Variants in B3GNT6 observed in about 807,000 individuals in gnomAD.
B3GNT6 encodes the protein UDP-GlcNAc:betaGal beta-1,3-N-acetylglucosaminyltransferase 6, also known as acetylgalactosaminyl-O-glycosyl-glycoprotein beta-1,3-N-acetylglucosaminyltransferase.
For missense variants in B3GNT6, 624 were observed against 568.6 expected, an observed-to-expected ratio of 1.10 and a Z score of -0.99; for synonymous variants, 300 against 270.0, an observed-to-expected ratio of 1.11 and a Z score of -1.09.
Position 77,040,628 on chromosome 11 carries a change from G to T in B3GNT6, c.1077G>T (p.Ala359=), listed in dbSNP as rs1555027864. The change falls in exon 2 of 2, where the codon GCG becomes GCT. Residue 359 remains alanine (A), a synonymous_variant. Coordinates refer to ENST00000622824, the MANE Select transcript of B3GNT6 (RefSeq NM_138706.5). ...YRELLLVHRF[A]PYEMLLMWKA... ...AGTTGCTGCTAGTGCACCGCTTCGC[G>T]CCCTACGAGATGCTGCTCATGTGGA... 1.3e-6 allele frequency: 2 copies of T among 1,599,988 alleles called. No homozygotes were observed. The highest frequency in any genetic ancestry group is 8.5e-7 in the Non-Finnish European group (1 of 1,178,936).
In B3GNT6 at chr11:77,040,364, C is replaced by T. The variant is rs1336589352; in HGVS notation, c.813C>T (p.Phe271=). The T allele has an allele frequency of 1.4e-5, 21 of 1,538,482 alleles. No individual in the cohort carries two copies. In the African/African-American group the frequency reaches 2.5e-4, roughly 18 times the overall value. ...WSKYFVPPQL[F]PGSAYPVYCS... ...AGTACTTCGTGCCGCCGCAGCTCTT[C>T]CCCGGGTCCGCTTACCCGGTGTACT... is the stretch of plus-strand genomic sequence containing the variant. Residue 271 remains phenylalanine (F), a synonymous_variant, in exon 2 of 2, where the codon TTC becomes TTT. Coordinates refer to ENST00000622824, the MANE Select transcript of B3GNT6 (RefSeq NM_138706.5).
intron 1 of B3GNT6, among the ~76,000 whole-genome samples, chr11:77,039,197 C>CT (rs1428527159): frequency 2.0e-5 from 3 of 152,096 alleles, no homozygotes; most frequent in Non-Finnish European, 4.4e-5. Context: ...AGGAAGAAGG[C>CT]TGGGGCTTCT....
chr11:77,040,250 C>G lies in B3GNT6; in HGVS notation c.699C>G (p.Val233=). Residue 233 remains valine (V), a synonymous_variant, in exon 2 of 2, where the codon GTC becomes GTG. Transcript: ENST00000622824. ...DDVFVHTANV[V]RFLQAQPPGR... is the part of the protein sequence containing the mutation. ...TGTTCGTGCACACCGCCAACGTAGT[C>G]CGCTTCCTGCAGGCGCAGCCACCCG... The G allele has an allele frequency of 6.3e-7, 1 of 1,598,518 alleles. No individual in the cohort carries two copies. The highest frequency in any genetic ancestry group is 8.5e-7 in the Non-Finnish European group (1 of 1,179,332).
rs1461553913 is a variant in B3GNT6 at position 77,039,830 on chromosome 11, G to A, written c.279G>A (p.Leu93=). Residue 93 remains leucine, a synonymous_variant, in exon 2 of 2, where the codon CTG becomes CTA. Coordinates refer to ENST00000622824, the MANE Select transcript of B3GNT6 (RefSeq NM_138706.5). ...EQLPARIQDF[L]RYRHCRHFPL... is the part of the protein sequence containing the mutation. ...TGCCCGCGCGCATCCAGGACTTCCTGCGGTACCGCCACTGCCGCCACTTCC... is the reference window on the plus strand; with the variant it reads ...TGCCCGCGCGCATCCAGGACTTCCTACGGTACCGCCACTGCCGCCACTTCC... The A allele has an allele frequency of 1.6e-5, 25 of 1,574,486 alleles. No individual in the cohort carries two copies. The highest frequency in any genetic ancestry group is 1.8e-5 in the Non-Finnish European group (21 of 1,166,642).
At position 77,039,722 on chromosome 11, in the gene B3GNT6, T is replaced by A; in HGVS notation, c.171T>A (p.Ala57=). Residue 57 remains alanine (A), a synonymous_variant, in exon 2 of 2, where the codon GCT becomes GCA. Coordinates refer to ENST00000622824, the MANE Select transcript of B3GNT6 (RefSeq NM_138706.5). ...AGGGTCCCACCGACGCTCCCGCGGC[T>A]GACGAGCCGCCCTCGGAGCTCGTCC... The part of the protein sequence containing the change: ...TPEGPTDAPA[A]DEPPSELVPG... 1 of 1,605,854 alleles carries A rather than the reference T, an allele frequency of 6.2e-7. No homozygotes were observed.
chr11:77,040,123 C>A lies in B3GNT6; in HGVS notation c.572C>A (p.Ala191Glu). 6.3e-7 allele frequency: 1 copy of A among 1,598,322 alleles called. No homozygotes were observed. Among genetic ancestry groups the A allele is most frequent in the South Asian group, 1.1e-5 (1 of 91,024 alleles). Residue 191 changes from alanine to glutamate, a missense_variant, in exon 2 of 2, where the codon GCG becomes GAG. Coordinates refer to ENST00000622824, the MANE Select transcript of B3GNT6 (RefSeq NM_138706.5). ...GGCGACGTGCTGCAGTGGGCCTTCG[C>A]GGACACCTTCCTCAACCTCACGCTC... Reference protein sequence around the residue: ...EHGDVLQWAFADTFLNLTLKH... With the variant: ...EHGDVLQWAFEDTFLNLTLKH...
chr11:77,037,835 C>A (rs1230923171), intron 1 of B3GNT6, among the ~76,000 whole-genome samples: 3 of 145,300 alleles, frequency 2.1e-5, no homozygotes, highest in Non-Finnish European at 4.5e-5. Context: ...ATCACCTGAG[C>A]CTGGGAAGTG....
rs782227194 is a variant in B3GNT6 at position 77,040,656 on chromosome 11, G to A, written c.1105G>A (p.Ala369Thr). 1 of 1,600,712 alleles carries A rather than the reference G, an allele frequency of 6.2e-7. No individual in the cohort carries two copies. The highest frequency in any genetic ancestry group is 1.3e-5 in the African/African-American group (1 of 74,876). The change falls in exon 2 of 2, where the codon GCG (alanine) becomes ACG (threonine). Residue 369 changes from alanine (A) to threonine (T), a missense_variant. Coordinates refer to ENST00000622824, the MANE Select transcript of B3GNT6 (RefSeq NM_138706.5). ...APYEMLLMWK[A>T]LHSPALSCDR... is the part of the protein sequence containing the mutation. ...CTACGAGATGCTGCTCATGTGGAAG[G>A]CGCTGCACAGCCCCGCGCTCAGCTG...
At position 77,039,926 on chromosome 11, in the gene B3GNT6, G is replaced by T; in HGVS notation, c.375G>T (p.Ser125=). The change falls in exon 2 of 2, where the codon TCG becomes TCT. Residue 125 remains serine, a synonymous_variant. Transcript: ENST00000622824. ...TGTTCCTGCTCCTGGCGGTGAAGTC[G>T]GCGCCTGAGCACTACGAGCGACGCG... ...RGVFLLLAVK[S]APEHYERREL... is the part of the protein sequence containing the mutation. 1.3e-6 allele frequency: 2 copies of T among 1,592,838 alleles called. No homozygotes were observed. Among genetic ancestry groups the T allele is most frequent in the Non-Finnish European group, 1.7e-6 (2 of 1,177,000 alleles).
Position 77,040,616 on chromosome 11 carries a change from G to A in B3GNT6, c.1065G>A (p.Val355=), listed in dbSNP as rs144466809. The change falls in exon 2 of 2, where the codon GTG becomes GTA. Residue 355 remains valine (V), a synonymous_variant. Coordinates refer to ENST00000622824, the MANE Select transcript of B3GNT6 (RefSeq NM_138706.5). ...GCATGTACCGCGAGTTGCTGCTAGT[G>A]CACCGCTTCGCGCCCTACGAGATGC... ...DPCMYRELLL[V]HRFAPYEMLL... The A allele has an allele frequency of 1.5e-4, 232 of 1,598,248 alleles. 1 individual carries two copies. In the South Asian group the frequency reaches 2.1e-3, roughly 15 times the overall value.
Position 77,039,626 on chromosome 11 carries a change from A to G in B3GNT6, c.75A>G (p.Ala25=). Residue 25 remains alanine, a synonymous_variant, in exon 2 of 2, where the codon GCA becomes GCG. Coordinates refer to ENST00000622824, the MANE Select transcript of B3GNT6 (RefSeq NM_138706.5). Reference sequence around the variant, plus strand: ...TCCTGGTGGGCGTGAGTTTCTTAGCACTGCAGCAGTGGTTCCTCCAGGCGC... The same window carrying G: ...TCCTGGTGGGCGTGAGTTTCTTAGCGCTGCAGCAGTGGTTCCTCCAGGCGC... ...ACLLVGVSFL[A]LQQWFLQAPR... The G allele has an allele frequency of 6.2e-7, 1 of 1,612,340 alleles. No individual in the cohort carries two copies. Among genetic ancestry groups the G allele is most frequent in the South Asian group, 1.1e-5 (1 of 90,834 alleles).
chr11:77,039,804 C>T lies in B3GNT6; in HGVS notation c.253C>T (p.Leu85=), dbSNP rs782782141. Residue 85 remains leucine, a synonymous_variant, in exon 2 of 2, where the codon CTG becomes TTG. Coordinates refer to ENST00000622824, the MANE Select transcript of B3GNT6 (RefSeq NM_138706.5). ...SANATADFEQ[L]PARIQDFLRY... The stretch of plus-strand genomic sequence containing the variant: ...GAACGCCACGGCCGACTTCGAGCAG[C>T]TGCCCGCGCGCATCCAGGACTTCCT... 2 of 1,576,668 alleles carry T rather than the reference C, an allele frequency of 1.3e-6. No homozygotes were observed. Among genetic ancestry groups the T allele is most frequent in the Admixed American group, 3.6e-5 (2 of 56,158 alleles).
intron 1 of B3GNT6, among the ~76,000 whole-genome samples, chr11:77,036,462 T>C (rs1307258588): frequency 2.0e-5 from 3 of 152,164 alleles, no homozygotes; most frequent in African/African-American, 7.2e-5. Flanking sequence ...ACACAAGCAA[T>C]AGGGTTCGGT....
Position 77,040,615 on chromosome 11 carries a change from T to C in B3GNT6, c.1064T>C (p.Val355Ala), listed in dbSNP as rs782135224. 5.6e-6 allele frequency: 9 copies of C among 1,598,500 alleles called. No homozygotes were observed. The highest frequency in any genetic ancestry group is 3.4e-5 in the Admixed American group (2 of 59,660). ...TGCATGTACCGCGAGTTGCTGCTAGTGCACCGCTTCGCGCCCTACGAGATG... is the reference window on the plus strand; with the variant it reads ...TGCATGTACCGCGAGTTGCTGCTAGCGCACCGCTTCGCGCCCTACGAGATG... ...DPCMYRELLL[V>A]HRFAPYEMLL... The change falls in exon 2 of 2, where the codon GTG becomes GCG. Residue 355 changes from valine (V) to alanine (A), a missense_variant. Val to Ala is a moderately conservative substitution (Grantham distance 64, BLOSUM62 0). Transcript: ENST00000622824.
In B3GNT6 at chr11:77,040,803, T is replaced by C; in HGVS notation, c.*97T>C. On this transcript the variant is annotated 3_prime_UTR_variant, in exon 2 of 2. Coordinates refer to ENST00000622824, the MANE Select transcript of B3GNT6 (RefSeq NM_138706.5). ...GTACCTTACGTCCTGCCCAGCTCTGTGCACCTGAACCCCAGCTGCGCACTG... is the reference window on the plus strand; with the variant it reads ...GTACCTTACGTCCTGCCCAGCTCTGCGCACCTGAACCCCAGCTGCGCACTG... The C allele has an allele frequency of 7.0e-7, 1 of 1,419,710 alleles. No homozygotes were observed. The highest frequency in any genetic ancestry group is 9.2e-7 in the Non-Finnish European group (1 of 1,091,126). The allele number at this position is 1,419,710 out of a possible 1,614,324, so 87.9% of individuals were successfully genotyped here.
intron 1 of B3GNT6, among the ~76,000 whole-genome samples, chr11:77,038,090 A>AGGGGGG (rs1565240581): frequency 6.1e-5 from 1 of 16,268 alleles, no homozygotes; most frequent in Non-Finnish European, 1.1e-4. Flanking sequence ...GATGAGGGGG[A>AGGGGGG]GGAGGAGGGG....
chr11:77,040,357 A>G lies in B3GNT6; in HGVS notation c.806A>G (p.Gln269Arg), dbSNP rs781988853. 17 of 1,540,596 alleles carry G rather than the reference A, an allele frequency of 1.1e-5. No homozygotes were observed. The highest frequency in any genetic ancestry group is 7.8e-5 in the Admixed American group (4 of 51,324). ...TGGAGCAAGTACTTCGTGCCGCCGC[A>G]GCTCTTCCCCGGGTCCGCTTACCCG... The part of the protein sequence containing the change: ...DSWSKYFVPP[Q>R]LFPGSAYPVY... Residue 269 changes from glutamine (Q) to arginine (R), a missense_variant, in exon 2 of 2, where the codon CAG (glutamine) becomes CGG (arginine). Transcript: ENST00000622824.
intron 1 of B3GNT6, among the ~76,000 whole-genome samples, 184 bp from the exon 2 acceptor site, chr11:77,039,368 C>A (rs868963867): frequency 6.6e-5 from 10 of 152,104 alleles, no homozygotes; most frequent in African/African-American, 2.2e-4. Flanking sequence ...GAGGAACGGT[C>A]CGGAGTGTGG....
chr11:77,038,003 AGGAGG>A (rs1949647920), intron 1 of B3GNT6, among the ~76,000 whole-genome samples: 1 of 6,040 alleles, frequency 1.7e-4, no homozygotes. Flanking sequence ...GAGGAGGGGG[AGGAGG>A]GGGATATGGG....
Sources: gnomAD v4.1 joint callset for allele counts (sites outside exome capture counted in the v4.1 genomes callset) on GRCh38, gnomAD v4.1.1 for gene constraint, MANE v1.5 for transcripts, NCBI Gene and HGNC (gene_info 2026-07-23, HGNC 2026-07-21) for gene names.